Variants in MELK observed in about 807,000 individuals in gnomAD.
MELK encodes pEg3 kinase.
In MELK, 81 loss-of-function variants were observed where a neutral mutation model predicts 85.0. The ratio of observed to expected loss-of-function variants is 0.95; its 90% CI spans 0.80 to 1.15. MELK has a LOEUF of 1.15. Among genes scored for constraint, MELK ranks in the 50% most tolerant of loss-of-function variants. The pLI is 0.00. For missense variants in MELK, 754 were observed against 777.5 expected (o/e 0.97, Z 0.36); for synonymous variants, 252 against 265.0 (o/e 0.95, Z 0.48).
intron 11 of MELK, among the ~76,000 whole-genome samples, chr9:36,644,209 TTGTGTGTGTGTGTGTGTGTGTG>T (rs55796800): frequency 2.1e-5 from 3 of 145,416 alleles, no homozygotes; most frequent in South Asian, 4.4e-4. Flanking sequence ...TACCTGTGTT[TTGTGTGTGTGTGTGTGTGTGTG>T]TGTGTGTGTG....
At chr9:36,651,235 T>C (rs1830668943) in intron 11 of MELK, among the ~76,000 whole-genome samples, 1 of 152,206 alleles carries the variant, frequency 6.6e-6, no homozygotes, top group Non-Finnish European at 1.5e-5. Context: ...TCTTGGCCTC[T>C]ATTTTGATGG....
At chr9:36,645,214 C>T (rs960567379) in intron 11 of MELK, among the ~76,000 whole-genome samples, 46 of 146,540 alleles carry the variant, frequency 3.1e-4, no homozygotes, top group South Asian at 8.9e-4. Context: ...GCCAAGATCA[C>T]GCCACTGCAC....
chr9:36,625,611 T>C (rs1827850714), intron 8 of MELK, among the ~76,000 whole-genome samples: 1 of 152,122 alleles, frequency 6.6e-6, no homozygotes, highest in Admixed American at 6.6e-5. Flanking sequence ...ATTCAAGGCT[T>C]CATTGCTGTA....
intron 13 of MELK, among the ~76,000 whole-genome samples, chr9:36,658,876 T>G (rs1487040369): frequency 6.7e-6 from 1 of 150,310 alleles, no homozygotes; most frequent in African/African-American, 2.5e-5. Flanking sequence ...TAATTTTTTT[T>G]TTTTCTATTT....
At position 36,579,461 on chromosome 9, in the gene MELK, C is replaced by T. The variant is rs78979116; in HGVS notation, c.-38-2183C>T. Among the ~76,000 whole-genome samples the T allele has an allele frequency of 1.5e-3, 225 of 152,374 alleles. 2 individuals carry two copies. The East Asian group carries it at 0.039, about 26-fold the overall frequency. On this transcript the variant is annotated intron_variant, in intron 1 of 17. Transcript: ENST00000298048. ...ATAGGCGTGAGCCTCTGCACCCGGC[C>T]TATAAATTATAAGTATTAATTTGTT...
intron 12 of MELK, among the ~76,000 whole-genome samples, chr9:36,652,606 T>C (rs1723729991): frequency 6.6e-6 from 1 of 151,508 alleles, no homozygotes; most frequent in Non-Finnish European, 1.5e-5. Flanking sequence ...GATGAGTGCC[T>C]GTAGTCCCAG....
intron 8 of MELK, among the ~76,000 whole-genome samples, chr9:36,625,572 G>A (rs1184882609): frequency 2.0e-5 from 3 of 152,166 alleles, no homozygotes; most frequent in Non-Finnish European, 1.5e-5. Context: ...CCAGTTGGCT[G>A]TAGATGAAGC....
intron 8 of MELK, among the ~76,000 whole-genome samples, chr9:36,614,261 A>C (rs1164480333): frequency 1.3e-5 from 2 of 151,784 alleles, no homozygotes; most frequent in Admixed American, 6.6e-5. Context: ...ATGCGTGGCT[A>C]AGTTTTGTAG....
intron 11 of MELK, among the ~76,000 whole-genome samples, chr9:36,649,145 C>G (rs1452353256): frequency 6.6e-6 from 1 of 152,066 alleles, no homozygotes; most frequent in Non-Finnish European, 1.5e-5. Context: ...AAATTAAAAG[C>G]TCAGTAAAAG....
chr9:36,598,761 T>C (rs1305259149), intron 6 of MELK, among the ~76,000 whole-genome samples: 1 of 152,036 alleles, frequency 6.6e-6, no homozygotes, highest in African/African-American at 2.4e-5. Context: ...TGGAAAGACG[T>C]GGATGCTTGG....
chr9:36,604,993 G>C (rs548348622), intron 7 of MELK, among the ~76,000 whole-genome samples: 13 of 152,004 alleles, frequency 8.6e-5, no homozygotes, highest in African/African-American at 2.4e-4. Context: ...TTGTCCCCCA[G>C]GCTGGAGTGC....
At chr9:36,621,290 A>G (rs1441139513) in intron 8 of MELK, among the ~76,000 whole-genome samples, 3 of 99,338 alleles carry the variant, frequency 3.0e-5, no homozygotes, top group Non-Finnish European at 5.8e-5. Context: ...AAAAAAAAAA[A>G]AAAAAAAAAA....
At chr9:36,668,069 A>T (rs1832552704) in intron 14 of MELK, among the ~76,000 whole-genome samples, 1 of 152,066 alleles carries the variant, frequency 6.6e-6, no homozygotes, top group Non-Finnish European at 1.5e-5. Context: ...CCATGCCCAG[A>T]CCTGCATTTT....
intron 10 of MELK, among the ~76,000 whole-genome samples, chr9:36,638,113 A>G (rs949605148): frequency 6.6e-6 from 1 of 152,178 alleles, no homozygotes; most frequent in African/African-American, 2.4e-5. Flanking sequence ...ACATCTTCTC[A>G]GCCATGATCC....
chr9:36,630,259 C>T, intron 8 of MELK, 40 bp from the exon 9 acceptor site: 1 of 1,483,868 alleles, frequency 6.7e-7, no homozygotes, highest in Non-Finnish European at 9.4e-7. Flanking sequence ...TGTGTCAAGG[C>T]TGATTGAACC....
At chr9:36,650,904 TA>T (rs1301365211) in intron 11 of MELK, among the ~76,000 whole-genome samples, 3 of 151,958 alleles carry the variant, frequency 2.0e-5, no homozygotes, top group Non-Finnish European at 4.4e-5. Context: ...TGAGAGGAGG[TA>T]AAGTGTTGGA....
intron 8 of MELK, among the ~76,000 whole-genome samples, chr9:36,627,190 A>G (rs1828026569): frequency 6.6e-6 from 1 of 152,040 alleles, no homozygotes; most frequent in Admixed American, 6.6e-5. Flanking sequence ...TGAACTGTCT[A>G]GGATATAATT....
chr9:36,605,769 C>T (rs1825418118), intron 7 of MELK, among the ~76,000 whole-genome samples: 1 of 151,382 alleles, frequency 6.6e-6, no homozygotes, highest in Non-Finnish European at 1.5e-5. Context: ...ATATGTGATG[C>T]TGCTCAAGTT....
At chr9:36,665,929 A>T (rs180780044) in intron 14 of MELK, among the ~76,000 whole-genome samples, 14 of 152,340 alleles carry the variant, frequency 9.2e-5, no homozygotes, top group Admixed American at 9.2e-4. Flanking sequence ...GCCCAAGGTC[A>T]TATACCCAGG....
Sources: gnomAD v4.1 joint callset for allele counts (sites outside exome capture counted in the v4.1 genomes callset) on GRCh38, gnomAD v4.1.1 for gene constraint, MANE v1.5 for transcripts, NCBI Gene and HGNC (gene_info 2026-07-23, HGNC 2026-07-21) for gene names.